Variants in CILK1 observed in about 807,000 individuals in gnomAD.
CILK1 encodes serine/threonine-protein kinase ICK.
CILK1 carries 47 observed loss-of-function variants against 79.2 expected under a neutral mutation model. The observed-to-expected ratio is 0.59, with a 90% CI of 0.47 to 0.76. The LOEUF (loss-of-function observed/expected upper bound fraction) is 0.76. Among genes scored for constraint, CILK1 ranks in the 30% least tolerant of loss-of-function variants. The pLI is 0.00. For synonymous variants in CILK1, 266 were observed against 275.9 expected, an observed-to-expected ratio of 0.96 and a Z score of 0.36; for missense variants, 660 against 769.5, an observed-to-expected ratio of 0.86 and a Z score of 1.68.
In CILK1 at chr6:53,009,419, G is replaced by T; in HGVS notation, c.1621+20C>A. 1.2e-6 allele frequency: 2 copies of T among 1,613,218 alleles called. No individual in the cohort carries two copies. Among genetic ancestry groups the T allele is most frequent in the South Asian group, 2.2e-5 (2 of 91,052 alleles). ...GGGAATTTGCTTTTTGCCATTTAGG[G>T]GTTAATGATCATTACTCACCTGAAT... On this transcript the variant is annotated intron_variant, in intron 12 of 13. Transcript: ENST00000676107.
At chr6:53,036,559 G>A (rs962129084) in intron 3 of CILK1, among the ~76,000 whole-genome samples, 6 of 152,032 alleles carry the variant, frequency 3.9e-5, no homozygotes, top group African/African-American at 1.5e-4. Context: ...GGGATTACAA[G>A]CACCCACCAC....
rs760600107 is a variant in CILK1 at position 53,009,566 on chromosome 6, C to A, written c.1494G>T (p.Gly498=). The A allele has an allele frequency of 2.5e-6, 4 of 1,604,582 alleles. No homozygotes were observed. Among genetic ancestry groups the A allele is most frequent in the Non-Finnish European group, 3.4e-6 (4 of 1,171,528 alleles). ...HYLKHSRYLP[G]ISIRNGILSN... is the part of the protein sequence containing the mutation. ...AGAGTATGCCATTTCTTATACTGAT[C>A]CCTGATAGAGAAGAAATGATTTTAA... Residue 498 remains glycine, a splice_region_variant and synonymous_variant, in exon 12 of 14, where the codon GGG becomes GGT. Transcript: ENST00000676107.
chr6:53,032,762 A>C (rs946129331), intron 3 of CILK1, 108 bp from the exon 4 acceptor site: 4 of 830,816 alleles, frequency 4.8e-6, no homozygotes, highest in Non-Finnish European at 7.5e-6. Context: ...CTAATTTTAG[A>C]ACCTCAGAAA....
intron 5 of CILK1, among the ~76,000 whole-genome samples, chr6:53,021,329 C>T (rs1295782855): frequency 1.9e-5 from 2 of 103,142 alleles, no homozygotes; most frequent in South Asian, 3.5e-4. Flanking sequence ...CGTTTTGGAG[C>T]GGCGCGGGGG....
intron 1 of CILK1, among the ~76,000 whole-genome samples, chr6:53,043,692 T>G (rs992035438): frequency 6.6e-6 from 1 of 152,082 alleles, no homozygotes; most frequent in African/African-American, 2.4e-5. Context: ...TCTGAGGATA[T>G]AGAGACCAAT....
intron 1 of CILK1, among the ~76,000 whole-genome samples, chr6:53,050,967 A>G (rs953082126): frequency 6.6e-5 from 10 of 152,240 alleles, no homozygotes; most frequent in African/African-American, 2.2e-4. Context: ...CCCTACGTTC[A>G]GTACTGAGAT....
At chr6:53,019,515 C>T (rs1302900068) in intron 5 of CILK1, among the ~76,000 whole-genome samples, 156 bp from the exon 6 acceptor site, 1 of 152,212 alleles carries the variant, frequency 6.6e-6, no homozygotes, top group Non-Finnish European at 1.5e-5. Flanking sequence ...AATGTAGAGT[C>T]CTTCGAACTT....
intron 5 of CILK1, among the ~76,000 whole-genome samples, chr6:53,025,485 G>T (rs1351697928): frequency 6.6e-6 from 1 of 152,164 alleles, no homozygotes; most frequent in Non-Finnish European, 1.5e-5. Context: ...CATCAGCCAA[G>T]CTTTATCCTC....
intron 2 of CILK1, among the ~76,000 whole-genome samples, chr6:53,039,476 G>T (rs911246061): frequency 2.0e-5 from 3 of 152,214 alleles, no homozygotes; most frequent in African/African-American, 7.2e-5. Flanking sequence ...AGGAAGCCAG[G>T]GCAAGGAGCA....
At position 53,006,432 on chromosome 6, in the gene CILK1, A is replaced by C. The variant is rs1764226335; in HGVS notation, c.1627T>G (p.Ser543Ala). ...SVISKVNSVG[S>A]SSTSSSGLTG... ...AGTCCACTAGAACTTGTAGAGCTGG[A>C]ACCAACTGATTTGCAAAAGCAAAAA... is the stretch of plus-strand genomic sequence containing the variant. The change falls in exon 13 of 14, where the codon TCC becomes GCC. Residue 543 changes from serine (S) to alanine (A), a missense_variant. By Grantham distance (99) the Ser-to-Ala change is moderately conservative (BLOSUM62 1). Coordinates refer to ENST00000676107, the MANE Select transcript of CILK1 (RefSeq NM_014920.5). 1 of 1,613,858 alleles carries C rather than the reference A, an allele frequency of 6.2e-7. No homozygotes were observed.
At chr6:53,057,784 C>T (rs1419192017) in intron 1 of CILK1, 1 of 152,042 alleles carries the variant, frequency 6.6e-6, no homozygotes, top group African/African-American at 2.4e-5. Context: ...CTAAGAAGAA[C>T]AGAATACTTG....
chr6:53,042,001 G>T (rs1027362197), intron 1 of CILK1, among the ~76,000 whole-genome samples: 1 of 151,828 alleles, frequency 6.6e-6, no homozygotes, highest in African/African-American at 2.4e-5. Flanking sequence ...TGGAAGTTTG[G>T]TGATGTTTTT....
intron 5 of CILK1, among the ~76,000 whole-genome samples, chr6:53,025,917 T>A (rs747007259): frequency 1.3e-5 from 2 of 152,220 alleles, no homozygotes; most frequent in African/African-American, 2.4e-5. Flanking sequence ...GTGCTTTTCA[T>A]GTCTATTTTA....
intron 2 of CILK1, among the ~76,000 whole-genome samples, chr6:53,040,545 A>G (rs1766634450): frequency 6.6e-6 from 1 of 152,206 alleles, no homozygotes; most frequent in African/African-American, 2.4e-5. Flanking sequence ...TTTGGATGAG[A>G]CCCCAGCTTT....
chr6:53,045,661 C>T (rs994122643), intron 1 of CILK1, among the ~76,000 whole-genome samples: 3 of 151,988 alleles, frequency 2.0e-5, no homozygotes, highest in African/African-American at 7.3e-5. Flanking sequence ...GATTTTTTAA[C>T]TTACAATGGG....
chr6:53,026,414 G>C (rs185977669), intron 5 of CILK1, among the ~76,000 whole-genome samples: 10 of 152,286 alleles, frequency 6.6e-5, no homozygotes, highest in East Asian at 3.9e-4. Context: ...TTCCCAAAGT[G>C]CTGGGATTAC....
intron 5 of CILK1, among the ~76,000 whole-genome samples, chr6:53,030,746 T>C (rs1210962031): frequency 6.6e-6 from 1 of 152,216 alleles, no homozygotes; most frequent in Non-Finnish European, 1.5e-5. Flanking sequence ...CCAAACATAA[T>C]ACATGAAACT....
chr6:53,034,973 G>C (rs2127443557), intron 3 of CILK1, among the ~76,000 whole-genome samples: 1 of 152,264 alleles, frequency 6.6e-6, no homozygotes, highest in East Asian at 1.9e-4. Flanking sequence ...TCTGTGTCTG[G>C]GGGACGAAGG....
chr6:53,006,949 C>T (rs1764260445), intron 12 of CILK1, among the ~76,000 whole-genome samples: 1 of 152,066 alleles, frequency 6.6e-6, no homozygotes, highest in African/African-American at 2.4e-5. Context: ...AAAAATTAAC[C>T]ATTTTTTACA....
Sources: gnomAD v4.1 joint callset for allele counts (sites outside exome capture counted in the v4.1 genomes callset) on GRCh38, gnomAD v4.1.1 for gene constraint, MANE v1.5 for transcripts, NCBI Gene and HGNC (gene_info 2026-07-23, HGNC 2026-07-21) for gene names.